PDE10A: variants seen among roughly 807,000 people sequenced by gnomAD.
The protein encoded by PDE10A is phosphodiesterase 10A.
Under a neutral mutation model 97.7 loss-of-function variants are expected in PDE10A, and 39 were observed. That is an observed-to-expected ratio of 0.40 (90% confidence interval 0.31 to 0.52). The LOEUF (loss-of-function observed/expected upper bound fraction) is 0.52, where lower values mean the gene tolerates loss of function less well. Among genes scored for constraint, PDE10A ranks in the 20% least tolerant of loss-of-function variants. PDE10A has a pLI of 0.56. For synonymous variants in PDE10A, 371 were observed against 376.8 expected (o/e 0.98, Z 0.18); for missense variants, 731 against 1,047.8 (o/e 0.70, Z 4.17).
chr6:165,424,741 A>C (rs537800400), intron 10 of PDE10A, among the ~76,000 whole-genome samples: 5 of 152,308 alleles, frequency 3.3e-5, no homozygotes, highest in Admixed American at 3.3e-4. Context: ...GGAATAAAGA[A>C]AATATTACAA....
chr6:165,911,461 G>A (rs560953496), intron 1 of PDE10A, among the ~76,000 whole-genome samples: 11 of 152,266 alleles, frequency 7.2e-5, no homozygotes, highest in African/African-American at 2.6e-4. Context: ...TCATTCTATT[G>A]ATGAGGAACT....
intron 1 of PDE10A, among the ~76,000 whole-genome samples, chr6:165,619,841 CAT>C (rs1788039915): frequency 6.6e-6 from 1 of 152,002 alleles, no homozygotes; most frequent in African/African-American, 2.4e-5. Context: ...CCCTCACTCA[CAT>C]AGAGCACCGG....
At chr6:165,397,148 C>T (rs1786234956) in intron 13 of PDE10A, among the ~76,000 whole-genome samples, 1 of 152,170 alleles carries the variant, frequency 6.6e-6, no homozygotes, top group Non-Finnish European at 1.5e-5. Flanking sequence ...TCTTGTGTAT[C>T]TGTATCTGTG....
chr6:165,904,527 T>C (rs1353287225), intron 1 of PDE10A, among the ~76,000 whole-genome samples: 1 of 152,232 alleles, frequency 6.6e-6, no homozygotes, highest in East Asian at 1.9e-4. Context: ...AAAGTCTCGC[T>C]CAATATTTTT....
intron 3 of PDE10A, among the ~76,000 whole-genome samples, chr6:165,473,100 AATT>A (rs1779105337): frequency 1.3e-5 from 2 of 152,200 alleles, no homozygotes; most frequent in Non-Finnish European, 2.9e-5. Context: ...AAAAGTAAAA[AATT>A]ATCACACAGA....
At chr6:165,765,715 G>A (rs1178838004) in intron 1 of PDE10A, among the ~76,000 whole-genome samples, 1 of 152,154 alleles carries the variant, frequency 6.6e-6, no homozygotes, top group East Asian at 1.9e-4. Context: ...GCCTTGGCCA[G>A]CCCAGAAAGG....
chr6:165,786,320 C>T (rs1213159184), intron 1 of PDE10A, among the ~76,000 whole-genome samples: 1 of 152,182 alleles, frequency 6.6e-6, no homozygotes, highest in Non-Finnish European at 1.5e-5. Context: ...ACAGGGTTGG[C>T]TGTGCTTTTA....
intron 1 of PDE10A, among the ~76,000 whole-genome samples, chr6:165,747,270 A>G (rs529985776): frequency 8.5e-5 from 13 of 152,320 alleles, no homozygotes; most frequent in Admixed American, 2.0e-4. Flanking sequence ...TTAAATGAAT[A>G]TGATTTTTAA....
At chr6:165,677,150 C>T (rs535248422) in intron 1 of PDE10A, among the ~76,000 whole-genome samples, 31 of 152,284 alleles carry the variant, frequency 2.0e-4, no homozygotes, top group African/African-American at 6.3e-4. Flanking sequence ...ACGTTAGATC[C>T]GTCAACTTTC....
chr6:165,508,938 C>T (rs1165282268), intron 2 of PDE10A, among the ~76,000 whole-genome samples: 1 of 152,036 alleles, frequency 6.6e-6, no homozygotes, highest in Non-Finnish European at 1.5e-5. Context: ...CAGACCCCTG[C>T]ACCTACAGAG....
At chr6:165,687,178 G>A (rs1791145486) in intron 1 of PDE10A, among the ~76,000 whole-genome samples, 1 of 152,198 alleles carries the variant, frequency 6.6e-6, no homozygotes, top group African/African-American at 2.4e-5. Flanking sequence ...GGCAGGAAGG[G>A]CCCCTCTGCC....
At chr6:165,718,017 C>T (rs1214116295) in intron 1 of PDE10A, among the ~76,000 whole-genome samples, 1 of 152,214 alleles carries the variant, frequency 6.6e-6, no homozygotes, top group East Asian at 1.9e-4. Context: ...TTATATGACT[C>T]ATAAATATTT....
chr6:165,971,651 A>C (rs1784679417), intron 1 of PDE10A, among the ~76,000 whole-genome samples: 1 of 152,218 alleles, frequency 6.6e-6, no homozygotes, highest in Non-Finnish European at 1.5e-5. Context: ...TGGGAGAAAA[A>C]GAAGAAGCAA....
chr6:165,871,387 G>T (rs575105865), intron 1 of PDE10A, among the ~76,000 whole-genome samples: 9 of 152,192 alleles, frequency 5.9e-5, no homozygotes. Flanking sequence ...GACATGAAGG[G>T]ATGAAGTGGT....
chr6:165,559,491 T>G (rs1004043780), intron 1 of PDE10A, among the ~76,000 whole-genome samples: 2 of 152,248 alleles, frequency 1.3e-5, no homozygotes, highest in Non-Finnish European at 2.9e-5. Context: ...AGAAATATTT[T>G]TAATTCATTC....
chr6:165,693,913 G>GTT (rs544319927), intron 1 of PDE10A, among the ~76,000 whole-genome samples: 1 of 151,836 alleles, frequency 6.6e-6, no homozygotes, highest in African/African-American at 2.4e-5. Context: ...AGTTTTAGAA[G>GTT]TTTTTTTTCC....
intron 2 of PDE10A, among the ~76,000 whole-genome samples, chr6:165,490,223 C>A (rs1333763404): frequency 6.6e-6 from 1 of 152,186 alleles, no homozygotes; most frequent in East Asian, 1.9e-4. Flanking sequence ...TAAAGAAAAA[C>A]TTGTCAGACT....
rs984217609 is a variant in PDE10A, at chr6:165,898,111, C to A, written c.-615+89418G>T. Among the ~76,000 whole-genome samples the A allele has an allele frequency of 2.0e-5, 3 of 152,000 alleles. No individual in the cohort carries two copies. In the South Asian group the frequency reaches 6.3e-4, roughly 32 times the overall value. On this transcript the variant is annotated intron_variant, in intron 1 of 19. Transcript: ENST00000366882. ...GGGAGGCTCTAGTCCCCCTCCACCC[C>A]CCATGAGTTGCCATCTGCCAGAAAT...
intron 1 of PDE10A, among the ~76,000 whole-genome samples, chr6:165,795,287 C>T (rs973763764): frequency 6.6e-6 from 1 of 152,180 alleles, no homozygotes; most frequent in Non-Finnish European, 1.5e-5. Flanking sequence ...TCTGTTTAGT[C>T]AGTTGGCCAT....
Sources: gnomAD v4.1 joint callset for allele counts (sites outside exome capture counted in the v4.1 genomes callset) on GRCh38, gnomAD v4.1.1 for gene constraint, MANE v1.5 for transcripts, NCBI Gene and HGNC (gene_info 2026-07-23, HGNC 2026-07-21) for gene names.